IFT81: variants seen among roughly 807,000 people sequenced by gnomAD.
The protein encoded by IFT81 is intraflagellar transport 81.
Under a neutral mutation model 102.6 loss-of-function variants are expected in IFT81, and 72 were observed. The ratio of observed to expected loss-of-function variants is 0.70; its 90% CI spans 0.58 to 0.85. The LOEUF is 0.85. IFT81 is among the 40% of genes least tolerant of loss of function. IFT81 has a pLI of 0.00. For synonymous variants in IFT81, 237 were observed against 242.7 expected, an observed-to-expected ratio of 0.98 and a Z score of 0.22; for missense variants, 723 against 787.3, an observed-to-expected ratio of 0.92 and a Z score of 0.98.
intron 8 of IFT81, among the ~76,000 whole-genome samples, chr12:110,140,856 T>G (rs1418969752): frequency 1.4e-5 from 2 of 147,910 alleles, no homozygotes; most frequent in Non-Finnish European, 3.0e-5. Context: ...CCCAAGTAGC[T>G]GGGATTACAG....
At chr12:110,161,540 C>T (rs2137434836) in intron 10 of IFT81, among the ~76,000 whole-genome samples, 1 of 151,998 alleles carries the variant, frequency 6.6e-6, no homozygotes, top group African/African-American at 2.4e-5. Context: ...ACCTCTTAAG[C>T]TGAAGTGAGC....
At chr12:110,146,213 A>G (rs944285564) in intron 9 of IFT81, among the ~76,000 whole-genome samples, 2 of 152,166 alleles carry the variant, frequency 1.3e-5, no homozygotes, top group African/African-American at 4.8e-5. Flanking sequence ...TTTTGTTTTG[A>G]TATGTTGAGG....
At chr12:110,199,527 T>C (rs1306819951) in intron 14 of IFT81, among the ~76,000 whole-genome samples, 1 of 152,126 alleles carries the variant, frequency 6.6e-6, no homozygotes, top group East Asian at 1.9e-4. Context: ...AGTGATCCGT[T>C]TGACCATAAG....
At chr12:110,205,390 A>G (rs1868478177) in intron 15 of IFT81, 53 bp from the exon 16 acceptor site, 29 of 1,529,916 alleles carry the variant, frequency 1.9e-5, no homozygotes, top group Non-Finnish European at 2.3e-5. Context: ...CATCGTCGCC[A>G]TATCTGTCTC....
At chr12:110,185,623 T>A (rs990908365) in intron 12 of IFT81, among the ~76,000 whole-genome samples, 1 of 152,152 alleles carries the variant, frequency 6.6e-6, no homozygotes, top group African/African-American at 2.4e-5. Flanking sequence ...TATAATTTTC[T>A]TGAGAAGGGG....
At chr12:110,160,224 C>A (rs1356762734) in intron 10 of IFT81, among the ~76,000 whole-genome samples, 1 of 152,186 alleles carries the variant, frequency 6.6e-6, no homozygotes, top group Non-Finnish European at 1.5e-5. Flanking sequence ...TTGGCTCACA[C>A]AGTTACAAGG....
rs188954346 is a variant in IFT81, at chr12:110,205,185, G to C, written c.1645-258G>C. 2.9e-4 allele frequency: 70 copies of C among 240,002 alleles called. No individual in the cohort carries two copies. In the East Asian group the frequency reaches 4.8e-3, roughly 16 times the overall value. The allele number at this position is 240,002 out of a possible 1,614,324, so 14.9% of individuals were successfully genotyped here. A position where few individuals can be genotyped will look rare whatever the true frequency, so the allele number is the denominator to read the frequency against. The stretch of plus-strand genomic sequence containing the variant: ...CGAGGAGGAGGTTGCAGTGAGCCAA[G>C]ACTGCACCACTGCACTCCATCCTGA... On this transcript the variant is annotated intron_variant, in intron 15 of 18. Coordinates refer to ENST00000242591, the MANE Select transcript of IFT81 (RefSeq NM_014055.4).
chr12:110,162,876 G>A (rs1328727218), intron 10 of IFT81, 43 bp from the exon 11 acceptor site: 1 of 1,466,206 alleles, frequency 6.8e-7, no homozygotes, highest in Admixed American at 2.2e-5. Flanking sequence ...ATAGAAAGTT[G>A]ATTGTATATC....
intron 1 of IFT81, among the ~76,000 whole-genome samples, chr12:110,126,356 G>T (rs993711799): frequency 1.3e-5 from 2 of 152,020 alleles, no homozygotes; most frequent in African/African-American, 4.8e-5. Flanking sequence ...CAGCTATGAA[G>T]GACAGGTGTT....
At chr12:110,143,243 T>C (rs1376323265) in intron 8 of IFT81, 139 bp from the exon 9 acceptor site, 2 of 376,204 alleles carry the variant, frequency 5.3e-6, no homozygotes, top group African/African-American at 4.2e-5. Context: ...ATGGCCAATC[T>C]TTTATTGTAC....
chr12:110,192,722 T>C lies in IFT81; in HGVS notation c.1557+16T>C. ...AAAATATCAAGTAAGTTTTTGATTT[T>C]ATCAAGTAATTTGATTTTATGATAC... On this transcript the variant is annotated intron_variant, in intron 14 of 18. Coordinates refer to ENST00000242591, the MANE Select transcript of IFT81 (RefSeq NM_014055.4). The C allele has an allele frequency of 7.3e-7, 1 of 1,370,104 alleles. No homozygotes were observed. Among genetic ancestry groups the C allele is most frequent in the Non-Finnish European group, 1.0e-6 (1 of 976,048 alleles). 84.9% of individuals were successfully genotyped at this position (1,370,104 alleles called of 1,614,324 possible).
Position 110,139,849 on chromosome 12 carries a change from A to AAATAAAAT in IFT81, c.781+2990_781+2991insATAAAATA, listed in dbSNP as rs1338081140. 2.1e-3 allele frequency among the ~76,000 whole-genome samples: 259 copies of AAATAAAAT among 125,620 alleles called. 1 individual carries two copies. Among genetic ancestry groups the AAATAAAAT allele is most frequent in the Non-Finnish European group, 2.8e-3 (178 of 62,488 alleles). 82.4% of individuals were successfully genotyped at this position (125,620 alleles called of 152,430 possible). ...AAATAAAATAAAATAAAATAAAATA[A>AAATAAAAT]ATAAAATAAAATAAAATATAAAATA... On this transcript the variant is annotated intron_variant, in intron 8 of 18. Coordinates refer to ENST00000242591, the MANE Select transcript of IFT81 (RefSeq NM_014055.4).
chr12:110,131,320 G>A (rs1311088084), intron 4 of IFT81, among the ~76,000 whole-genome samples: 1 of 151,776 alleles, frequency 6.6e-6, no homozygotes, highest in Non-Finnish European at 1.5e-5. Flanking sequence ...AAAATTTTTA[G>A]GTAACAGGAT....
chr12:110,189,210 C>T (rs1310094236), intron 12 of IFT81, among the ~76,000 whole-genome samples: 2 of 152,060 alleles, frequency 1.3e-5, no homozygotes, highest in African/African-American at 4.8e-5. Flanking sequence ...GATCTGCTTT[C>T]TATCTTCACT....
At chr12:110,164,871 A>T (rs1896348582) in intron 11 of IFT81, among the ~76,000 whole-genome samples, 1 of 152,206 alleles carries the variant, frequency 6.6e-6, no homozygotes, top group African/African-American at 2.4e-5. Flanking sequence ...TTTACAAGAG[A>T]CTATGCCACC....
chr12:110,179,889 AAC>A (rs1019382411), intron 11 of IFT81, among the ~76,000 whole-genome samples: 13 of 148,320 alleles, frequency 8.8e-5, no homozygotes, highest in Admixed American at 1.4e-4. Context: ...AAAAATTAAA[AAC>A]ACAAAATATT....
At chr12:110,211,722 G>A (rs757998003) in intron 18 of IFT81, among the ~76,000 whole-genome samples, 1 of 151,602 alleles carries the variant, frequency 6.6e-6, no homozygotes, top group Non-Finnish European at 1.5e-5. Context: ...GCCCAGGCTG[G>A]TCTCAAACTC....
At position 110,136,583 on chromosome 12, in the gene IFT81, A is replaced by T. The variant is rs190548553; in HGVS notation, c.697-193A>T. Among the ~76,000 whole-genome samples, 1,046 of 152,354 alleles carry T rather than the reference A, an allele frequency of 6.9e-3. 1 individual carries two copies. Among genetic ancestry groups the T allele is most frequent in the Non-Finnish European group, 9.5e-3 (643 of 68,034 alleles). On this transcript the variant is annotated intron_variant, in intron 7 of 18. Transcript: ENST00000242591. ...AAGAAAAATTTGTGAAAACTTCCTT[A>T]AAAAATGTATGTGAAAAGGTATTGA... is the stretch of plus-strand genomic sequence containing the variant.
chr12:110,182,034 A>C (rs1897327948), intron 12 of IFT81, among the ~76,000 whole-genome samples: 1 of 152,198 alleles, frequency 6.6e-6, no homozygotes, highest in South Asian at 2.1e-4. Context: ...CATGGCAGTC[A>C]GTCATTTGGC....
Sources: allele counts gnomAD v4.1 joint callset (sites outside exome capture counted in the v4.1 genomes callset), GRCh38; gene constraint gnomAD v4.1.1; transcripts MANE v1.5; gene names NCBI Gene and HGNC (gene_info 2026-07-23, HGNC 2026-07-21).